The following COL21A1 variants were observed in gnomAD, a reference collection of about 807,000 sequenced individuals.
The protein encoded by COL21A1 is collagen alpha-1(XXI) chain.
In COL21A1, 149 loss-of-function variants were observed where a neutral mutation model predicts 137.9. The observed-to-expected ratio is 1.08, with a 90% CI of 0.95 to 1.24. The LOEUF (loss-of-function observed/expected upper bound fraction) is 1.24, where lower values mean the gene tolerates loss of function less well. Ranked by LOEUF, COL21A1 falls within the 50% of genes most tolerant of loss-of-function variation. The pLI is 0.00. For synonymous variants in COL21A1, 456 were observed against 391.5 expected, an observed-to-expected ratio of 1.16 and a Z score of -1.95; for missense variants, 1,167 against 1,158.4, an observed-to-expected ratio of 1.01 and a Z score of -0.11.
At chr6:56,274,491 A>G (rs907392007) in intron 1 of COL21A1, among the ~76,000 whole-genome samples, 2 of 152,212 alleles carry the variant, frequency 1.3e-5, no homozygotes, top group Admixed American at 1.3e-4. Flanking sequence ...CAAAAGGCCT[A>G]GAACTGACAA....
intron 1 of COL21A1, among the ~76,000 whole-genome samples, chr6:56,314,094 C>T (rs1764673839): frequency 6.6e-6 from 1 of 152,120 alleles, no homozygotes; most frequent in Admixed American, 6.5e-5. Flanking sequence ...AAGTGATTCC[C>T]TTGCCTCAGC....
upstream of COL21A1, among the ~76,000 whole-genome samples, chr6:56,250,818 G>A (rs1236652516): frequency 6.6e-6 from 1 of 152,134 alleles, no homozygotes; most frequent in Admixed American, 6.5e-5. Context: ...ATTCATTTTA[G>A]TAAAGAGAGT....
intron 19 of COL21A1, among the ~76,000 whole-genome samples, chr6:56,075,161 A>G (rs73748055): frequency 0.02 from 3,053 of 151,528 alleles, 99 homozygotes; most frequent in African/African-American, 0.07. Context: ...AAATAAAAAA[A>G]TCACTGAGAT....
intron 1 of COL21A1, among the ~76,000 whole-genome samples, chr6:56,298,742 T>C (rs921837266): frequency 6.6e-6 from 1 of 152,072 alleles, no homozygotes; most frequent in Non-Finnish European, 1.5e-5. Context: ...GCTATAAACA[T>C]ACTGCCAGCC....
Position 56,057,627 on chromosome 6 carries a change from T to C in COL21A1, c.*30A>G, listed in dbSNP as rs369931307. The C allele has an allele frequency of 5.0e-6, 8 of 1,607,014 alleles. No homozygotes were observed. Among genetic ancestry groups the C allele is most frequent in the Admixed American group, 1.7e-5 (1 of 59,808 alleles). ...GCAAAAGACCACAGAAAAAGCACCA[T>C]GCCTAGGCTGCTGAATGAGGCATCA... On this transcript the variant is annotated 3_prime_UTR_variant, in exon 30 of 30. Coordinates refer to ENST00000244728, the MANE Select transcript of COL21A1 (RefSeq NM_030820.4).
chr6:56,155,000 G>A (rs1775633142), intron 10 of COL21A1, among the ~76,000 whole-genome samples: 1 of 152,086 alleles, frequency 6.6e-6, no homozygotes, highest in Admixed American at 6.6e-5. Flanking sequence ...TTGTTGCACA[G>A]ATAATTTCAT....
chr6:56,347,517 TAAAA>T (rs373385667), intron 1 of COL21A1, among the ~76,000 whole-genome samples: 2 of 127,182 alleles, frequency 1.6e-5, no homozygotes, highest in Admixed American at 8.0e-5. Context: ...AGGAAGCATT[TAAAA>T]AAAAAAAAAA....
chr6:56,255,882 G>C (rs1298450640), intron 1 of COL21A1, among the ~76,000 whole-genome samples: 2 of 152,112 alleles, frequency 1.3e-5, no homozygotes, highest in Non-Finnish European at 2.9e-5. Context: ...AGGAGGGGAC[G>C]GCACAGGATG....
intron 1 of COL21A1, among the ~76,000 whole-genome samples, chr6:56,341,722 T>A (rs889250084): frequency 2.0e-5 from 3 of 152,006 alleles, no homozygotes; most frequent in African/African-American, 7.2e-5. Context: ...CCCACGGACT[T>A]TGGAGGATAA....
intron 1 of COL21A1, among the ~76,000 whole-genome samples, chr6:56,388,318 A>G (rs1338951528): frequency 1.3e-5 from 2 of 152,194 alleles, no homozygotes; most frequent in Non-Finnish European, 2.9e-5. Flanking sequence ...CATTGGCTTC[A>G]GGTGTAACCC....
At chr6:56,263,124 T>G (rs1763318299) in intron 1 of COL21A1, among the ~76,000 whole-genome samples, 2 of 152,196 alleles carry the variant, frequency 1.3e-5, no homozygotes, top group African/African-American at 4.8e-5. Context: ...AAGCAATAAC[T>G]GCTTTATTCC....
chr6:56,102,606 T>C lies in COL21A1; in HGVS notation c.1759-1081A>G, dbSNP rs9464343. Reference sequence around the variant, plus strand: ...TGCACTGAAGCATATTATAACACTGTCATCCATAATTTCATATTCTAATGA... The same window carrying C: ...TGCACTGAAGCATATTATAACACTGCCATCCATAATTTCATATTCTAATGA... On this transcript the variant is annotated intron_variant, in intron 16 of 29. Transcript: ENST00000244728. Among the ~76,000 whole-genome samples the C allele has an allele frequency of 7.2e-3, 1,097 of 152,294 alleles. 16 individuals are homozygous for C. The highest frequency in any genetic ancestry group is 0.025 in the African/African-American group (1,032 of 41,558).
At chr6:56,120,639 C>T (rs1356781228) in intron 16 of COL21A1, among the ~76,000 whole-genome samples, 1 of 151,920 alleles carries the variant, frequency 6.6e-6, no homozygotes, top group Non-Finnish European at 1.5e-5. Context: ...ACTAAAAATA[C>T]AAAAATTAGC....
intron 1 of COL21A1, among the ~76,000 whole-genome samples, chr6:56,311,486 G>T (rs1450520447): frequency 1.3e-5 from 2 of 152,126 alleles, no homozygotes; most frequent in Non-Finnish European, 2.9e-5. Flanking sequence ...TTTTATGAGG[G>T]GGTTGCACCG....
At chr6:56,099,861 C>T (rs939554029) in intron 17 of COL21A1, among the ~76,000 whole-genome samples, 8 of 152,246 alleles carry the variant, frequency 5.3e-5, no homozygotes, top group Admixed American at 4.6e-4. Flanking sequence ...ATACCCTAGT[C>T]GAGGCCTTCT....
intron 1 of COL21A1, among the ~76,000 whole-genome samples, chr6:56,310,683 C>T (rs533885032): frequency 8.6e-4 from 131 of 152,136 alleles, no homozygotes; most frequent in Non-Finnish European, 1.5e-3. Flanking sequence ...GATTGCAGCC[C>T]AAATAACTTG....
chr6:56,084,450 T>C (rs1768054950), intron 17 of COL21A1, among the ~76,000 whole-genome samples: 1 of 151,894 alleles, frequency 6.6e-6, no homozygotes, highest in Admixed American at 6.6e-5. Flanking sequence ...GAGTAACAAT[T>C]GTTACTGCTG....
intron 10 of COL21A1, among the ~76,000 whole-genome samples, chr6:56,150,939 C>T (rs1387448574): frequency 6.6e-6 from 1 of 152,092 alleles, no homozygotes; most frequent in African/African-American, 2.4e-5. Flanking sequence ...TAAAGAGTAA[C>T]TCGGCCGGGG....
chr6:56,359,774 T>C (rs180769821), intron 1 of COL21A1, among the ~76,000 whole-genome samples: 20 of 152,278 alleles, frequency 1.3e-4, no homozygotes, highest in Non-Finnish European at 2.2e-4. Context: ...AGAGATCCTT[T>C]GCAAGATTGA....
Sources: gnomAD v4.1 joint callset for allele counts (sites outside exome capture counted in the v4.1 genomes callset) on GRCh38, gnomAD v4.1.1 for gene constraint, MANE v1.5 for transcripts, NCBI Gene and HGNC (gene_info 2026-07-23, HGNC 2026-07-21) for gene names.